The following NOTCH2NLA variants were observed in gnomAD, a reference collection of about 807,000 sequenced individuals.
NOTCH2NLA encodes the protein notch homolog 2 N-terminal-like protein A.
At chr1:146,159,306 C>T (rs1295705789) in intron 3 of NOTCH2NLA, among the ~76,000 whole-genome samples, 8 of 148,560 alleles carry the variant, frequency 5.4e-5, no homozygotes, top group East Asian at 4.1e-4. Flanking sequence ...TGCAGTGAGC[C>T]GAGACTGCGC....
chr1:146,219,896 T>C (rs1553817859), intron 1 of NOTCH2NLA, among the ~76,000 whole-genome samples: 1 of 79,684 alleles, frequency 1.3e-5, no homozygotes, highest in Non-Finnish European at 2.3e-5. Context: ...AATGGCAGCA[T>C]GATTGTGGAC....
At position 146,171,701 on chromosome 1, in the gene NOTCH2NLA, C is replaced by T. The variant is rs373592090; in HGVS notation, c.39-6691G>A. Among the ~76,000 whole-genome samples the T allele has an allele frequency of 1.3e-3, 169 of 127,576 alleles. No individual in the cohort carries two copies. The South Asian group carries it at 0.022, about 17-fold the overall frequency. The allele number at this position is 127,576 out of a possible 152,430, so 83.7% of individuals were successfully genotyped here. On this transcript the variant is annotated intron_variant, in intron 2 of 4. Transcript: ENST00000362074. ...AGAGTAAGTTCTTAAACTGAGGAGG[C>T]ATCGTGAGAGCGCAGTTCAAGAAAG...
At chr1:146,199,167 TTATAAA>T (rs1663313878) in intron 1 of NOTCH2NLA, among the ~76,000 whole-genome samples, 1 of 43,686 alleles carries the variant, frequency 2.3e-5, no homozygotes, top group African/African-American at 9.5e-5. Context: ...GGAAAAAAAT[TTATAAA>T]TATATATAAT....
chr1:146,185,810 G>A (rs1380271595), intron 2 of NOTCH2NLA, among the ~76,000 whole-genome samples: 14 of 134,568 alleles, frequency 1.0e-4, no homozygotes, highest in African/African-American at 3.2e-4. Flanking sequence ...GCAATCGCAT[G>A]AATAAAAAGA....
At chr1:146,159,073 C>T (rs1254878323) in intron 3 of NOTCH2NLA, among the ~76,000 whole-genome samples, 2 of 152,100 alleles carry the variant, frequency 1.3e-5, no homozygotes, top group East Asian at 1.9e-4. Context: ...AGAAAGATCC[C>T]CGGGCCGGAA....
chr1:146,154,220 C>T (rs587630699), downstream of NOTCH2NLA: 17 of 127,822 alleles, frequency 1.3e-4, no homozygotes, highest in East Asian at 2.6e-3. Flanking sequence ...TGCAATGTGG[C>T]GCAGTAAGAT....
intron 2 of NOTCH2NLA, among the ~76,000 whole-genome samples, chr1:146,183,448 C>CA (rs1464492527): frequency 8.1e-6 from 1 of 123,814 alleles, no homozygotes; most frequent in Non-Finnish European, 1.8e-5. Flanking sequence ...TTTAATGAGC[C>CA]AAAAAAACAG....
chr1:146,161,939 C>T lies in NOTCH2NLA; in HGVS notation c.298+2812G>A, dbSNP rs587614825. 4.0e-5 allele frequency among the ~76,000 whole-genome samples: 4 copies of T among 99,540 alleles called. 1 individual carries two copies. The South Asian group carries it at 1.2e-3, about 29-fold the overall frequency. 65.3% of individuals were successfully genotyped at this position (99,540 alleles called of 152,430 possible). ...CAGGCGGGACTACAAATGGTTTGGG[C>T]CTCTCCATCAGGAAAAAAAAAAACA... On this transcript the variant is annotated intron_variant, in intron 3 of 4. Transcript: ENST00000362074.
rs1235403669 is a variant in NOTCH2NLA at position 146,180,051 on chromosome 1, TA to T, written c.38+9248del. Among the ~76,000 whole-genome samples the T allele has an allele frequency of 2.1e-5, 3 of 140,494 alleles. No individual in the cohort carries two copies. The East Asian group carries it at 5.8e-4, about 27-fold the overall frequency. 92.2% of individuals were successfully genotyped at this position (140,494 alleles called of 152,430 possible). On this transcript the variant is annotated intron_variant, in intron 2 of 4. Transcript: ENST00000362074. Reference sequence around the variant, plus strand: ...TGATCAGTTATAGTAGCCTGCTCAATAAATACTAGTGTGATAAAAATTAAAC... The same window carrying T: ...TGATCAGTTATAGTAGCCTGCTCAATAATACTAGTGTGATAAAAATTAAAC...
intron 1 of NOTCH2NLA, among the ~76,000 whole-genome samples, chr1:146,219,448 G>A (rs1198138817): frequency 8.7e-6 from 1 of 115,434 alleles, no homozygotes; most frequent in Non-Finnish European, 1.7e-5. Flanking sequence ...AACATTGGTA[G>A]CAATTTGATG....
rs1396064555 is a variant in NOTCH2NLA, at chr1:146,210,627, A to G, written c.-45+18082T>C. 1.9e-5 allele frequency among the ~76,000 whole-genome samples: 2 copies of G among 103,116 alleles called. 1 individual carries two copies. The highest frequency in any genetic ancestry group is 3.8e-5 in the Non-Finnish European group (2 of 53,192). 67.6% of individuals were successfully genotyped at this position (103,116 alleles called of 152,430 possible). A position where few individuals can be genotyped will look rare whatever the true frequency, so the allele number is the denominator to read the frequency against. ...AACACACACACACACACACACACGC[A>G]CACACACACAGAGTTAAATCAGAGA... On this transcript the variant is annotated intron_variant, in intron 1 of 4. Coordinates refer to ENST00000362074, the Ensembl canonical transcript of NOTCH2NLA.
At position 146,187,748 on chromosome 1, in the gene NOTCH2NLA, G is replaced by GACTAAA. The variant is rs1337012487; in HGVS notation, c.38+1546_38+1551dup. 5.1e-3 allele frequency among the ~76,000 whole-genome samples: 699 copies of GACTAAA among 136,036 alleles called. 62 individuals are homozygous for GACTAAA. Among genetic ancestry groups the GACTAAA allele is most frequent in the Non-Finnish European group, 5.8e-3 (341 of 58,798 alleles). 89.2% of individuals were successfully genotyped at this position (136,036 alleles called of 152,430 possible). ...ACTAACGCACCAAATGCCACAAAAA[G>GACTAAA]ACTAAACAAGATTTCAGTGGCCTAC... is the stretch of plus-strand genomic sequence containing the variant. On this transcript the variant is annotated intron_variant, in intron 2 of 4. Coordinates refer to ENST00000362074, the Ensembl canonical transcript of NOTCH2NLA.
rs1429972936 is a variant in NOTCH2NLA at position 146,200,791 on chromosome 1, C to T, written c.-44-11410G>A. On this transcript the variant is annotated intron_variant, in intron 1 of 4. Transcript: ENST00000362074. ...AAGCAGCTCAACACACTAACAGTCA[C>T]AATTTGGTTTGCAAGTGCTCACAAT... is the stretch of plus-strand genomic sequence containing the variant. 2.5e-4 allele frequency among the ~76,000 whole-genome samples: 29 copies of T among 115,520 alleles called. 3 individuals carry two copies. Among genetic ancestry groups the T allele is most frequent in the Admixed American group, 6.9e-4 (8 of 11,552 alleles). 75.8% of individuals were successfully genotyped at this position (115,520 alleles called of 152,430 possible).
intron 2 of NOTCH2NLA, among the ~76,000 whole-genome samples, chr1:146,171,501 G>T (rs1269177697): frequency 8.2e-6 from 1 of 122,232 alleles, no homozygotes; most frequent in Non-Finnish European, 1.9e-5. Flanking sequence ...TCTAGAGTGC[G>T]TGTGCTTCAA....
intron 1 of NOTCH2NLA, among the ~76,000 whole-genome samples, chr1:146,208,352 A>G (rs1663695955): frequency 8.2e-6 from 1 of 122,150 alleles, no homozygotes; most frequent in Non-Finnish European, 1.8e-5. Flanking sequence ...GAATTCCAAA[A>G]GAAAATAAAT....
intron 3 of NOTCH2NLA, among the ~76,000 whole-genome samples, chr1:146,159,149 G>C (rs1257558974): frequency 3.3e-5 from 5 of 151,984 alleles, no homozygotes; most frequent in African/African-American, 1.2e-4. Flanking sequence ...CTTGTGGTTA[G>C]GAGTTTGAGA....
intron 3 of NOTCH2NLA, among the ~76,000 whole-genome samples, chr1:146,157,404 C>T (rs868918481): frequency 2.7e-5 from 4 of 146,410 alleles, no homozygotes; most frequent in Admixed American, 2.1e-4. Flanking sequence ...TTGCAGTGAG[C>T]CGAGATTGTA....
intron 3 of NOTCH2NLA, among the ~76,000 whole-genome samples, chr1:146,159,394 A>AGAAG (rs1661350823): frequency 9.9e-5 from 2 of 20,178 alleles, no homozygotes; most frequent in African/African-American, 4.2e-4. Context: ...AGAAAGAGAG[A>AGAAG]GAAAGAAAGA....
chr1:146,200,439 ATATATATAT>A lies in NOTCH2NLA; in HGVS notation c.-44-11067_-44-11059del, dbSNP rs1463448560. ...CTCTGCCTGAGAAAAAAAAAAAAAA[ATATATATAT>A]ATATATATATTCCTGAACTTCAATT... On this transcript the variant is annotated intron_variant, in intron 1 of 4. Transcript: ENST00000362074. Among the ~76,000 whole-genome samples, 2 of 19,370 alleles carry A rather than the reference ATATATATAT, an allele frequency of 1.0e-4. 1 individual carries two copies. Among genetic ancestry groups the A allele is most frequent in the Non-Finnish European group, 1.9e-4 (2 of 10,662 alleles). The allele number at this position is 19,370 out of a possible 152,430, so 12.7% of individuals were successfully genotyped here. A position where few individuals can be genotyped will look rare whatever the true frequency, so the allele number is the denominator to read the frequency against.
Sources: gnomAD v4.1 joint callset for allele counts (sites outside exome capture counted in the v4.1 genomes callset) on GRCh38, gnomAD v4.1.1 for gene constraint, MANE v1.5 for transcripts, NCBI Gene and HGNC (gene_info 2026-07-23, HGNC 2026-07-21) for gene names.